The following TTC39C variants were observed in gnomAD, a reference collection of about 807,000 sequenced individuals.
TTC39C encodes the protein tetratricopeptide repeat domain 39C, also known as tetratricopeptide repeat protein 39C.
A neutral mutation model predicts 76.3 loss-of-function variants in TTC39C; 33 were observed. That is an observed-to-expected ratio of 0.43 (90% CI 0.33 to 0.58). The LOEUF (loss-of-function observed/expected upper bound fraction) is 0.58, where lower values mean the gene tolerates loss of function less well. TTC39C is among the 20% of genes least tolerant of loss of function. The probability of loss-of-function intolerance (pLI) is 0.04; values close to 1 mark genes in which losing one functional copy is unlikely to be tolerated. For missense variants in TTC39C, 595 were observed against 701.4 expected, an observed-to-expected ratio of 0.85 and a Z score of 1.71; for synonymous variants, 254 against 260.6, an observed-to-expected ratio of 0.97 and a Z score of 0.24.
rs1015502787 is a variant in TTC39C at position 23,995,969 on chromosome 18, T to C, written c.-17+2931T>C. On this transcript the variant is annotated intron_variant, in intron 1 of 13. Coordinates refer to the TTC39C transcript ENST00000304621. ...TTGGATCGTATGTTAAGTATATGCT[T>C]AGTTTTCAAAGAAACTGCCAAACGT... Among the ~76,000 whole-genome samples the C allele has an allele frequency of 3.3e-5, 5 of 152,270 alleles. No individual in the cohort carries two copies. In the South Asian group the frequency reaches 6.2e-4, roughly 19 times the overall value.
intron 5 of TTC39C, among the ~76,000 whole-genome samples, chr18:24,081,141 AG>A (rs1321760982): frequency 6.6e-6 from 1 of 152,338 alleles, no homozygotes. Flanking sequence ...TTAGAGAACA[AG>A]GCGTTGTTCA....
intron 1 of TTC39C, among the ~76,000 whole-genome samples, chr18:24,060,326 T>TG (rs1440863826): frequency 7.5e-5 from 11 of 145,946 alleles, no homozygotes; most frequent in Non-Finnish European, 1.4e-4. Flanking sequence ...TTTTTTTTTT[T>TG]TTTTTTTTTG....
intron 1 of TTC39C, among the ~76,000 whole-genome samples, chr18:24,025,226 G>A (rs746336569): frequency 1.3e-5 from 2 of 152,182 alleles, no homozygotes; most frequent in Admixed American, 1.3e-4. Flanking sequence ...AGTATGCTAC[G>A]TATCCTTAAG....
At chr18:24,121,651 G>T (rs1202780603) in intron 8 of TTC39C, among the ~76,000 whole-genome samples, 3 of 152,180 alleles carry the variant, frequency 2.0e-5, no homozygotes, top group Non-Finnish European at 4.4e-5. Context: ...CTGAGGTATG[G>T]ATGTTATAGA....
intron 1 of TTC39C, chr18:24,022,796 C>A (rs1450622656): frequency 1.0e-6 from 1 of 985,248 alleles, no homozygotes; most frequent in South Asian, 4.7e-5. Context: ...GTCCTGCTGC[C>A]CTTGTCCCTT....
chr18:24,021,214 G>C (rs1488201717), intron 1 of TTC39C, among the ~76,000 whole-genome samples: 1 of 152,180 alleles, frequency 6.6e-6, no homozygotes, highest in Non-Finnish European at 1.5e-5. Flanking sequence ...ACTGCCTAGT[G>C]CTAGCTCTAC....
rs2084852631 is a variant in TTC39C, at chr18:24,113,865, C to T, written c.985-689C>T. The T allele has an allele frequency of 1.7e-5, 10 of 588,052 alleles. No individual in the cohort carries two copies. The South Asian group carries it at 1.9e-4, about 11-fold the overall frequency. The allele number at this position is 588,052 out of a possible 1,614,324, so 36.4% of individuals were successfully genotyped here. ...ATTTGAGAGTTTGCTGGGTCCCAGA[C>T]AGTGTTATGTGAATGAAAGTGTTGG... On this transcript the variant is annotated intron_variant, in intron 6 of 13. Transcript: ENST00000317571.
chr18:24,079,113 G>C (rs2084343615), intron 4 of TTC39C, among the ~76,000 whole-genome samples: 1 of 152,166 alleles, frequency 6.6e-6, no homozygotes, highest in Non-Finnish European at 1.5e-5. Context: ...GACAGTTCAT[G>C]TTGTCCATTT....
chr18:24,082,428 C>T (rs2084388691), intron 5 of TTC39C, among the ~76,000 whole-genome samples: 1 of 152,072 alleles, frequency 6.6e-6, no homozygotes, highest in African/African-American at 2.4e-5. Context: ...TTTATTTGTG[C>T]ATGATATTTA....
chr18:24,032,197 T>G (rs924286648), intron 1 of TTC39C, among the ~76,000 whole-genome samples: 1 of 152,222 alleles, frequency 6.6e-6, no homozygotes, highest in African/African-American at 2.4e-5. Context: ...GTCACACTTC[T>G]GGTCTAAAGA....
At chr18:24,034,913 T>C (rs2083714592) in intron 1 of TTC39C, among the ~76,000 whole-genome samples, 1 of 152,240 alleles carries the variant, frequency 6.6e-6, no homozygotes, top group African/African-American at 2.4e-5. Flanking sequence ...CTTTTGGCTA[T>C]TGTGAACAAT....
chr18:24,058,528 AC>A (rs1455402136), intron 1 of TTC39C, among the ~76,000 whole-genome samples: 6 of 151,958 alleles, frequency 3.9e-5, no homozygotes, highest in Admixed American at 2.0e-4. Context: ...GGTGGCATGA[AC>A]CTGAGGTGCC....
At chr18:24,061,639 C>T (rs1204954485) in intron 1 of TTC39C, among the ~76,000 whole-genome samples, 1 of 147,888 alleles carries the variant, frequency 6.8e-6, no homozygotes, top group Non-Finnish European at 1.5e-5. Context: ...TGTGGTGGCT[C>T]ACACCAGTAA....
intron 10 of TTC39C, 64 bp downstream of exon 10, chr18:24,125,614 C>T (rs1408840879): frequency 6.3e-7 from 1 of 1,588,532 alleles, no homozygotes; most frequent in African/African-American, 1.4e-5. Flanking sequence ...GTCAGTGCGG[C>T]ATTCTTCAGT....
At chr18:24,042,040 T>G (rs2083799685) in intron 1 of TTC39C, among the ~76,000 whole-genome samples, 1 of 152,258 alleles carries the variant, frequency 6.6e-6, no homozygotes, top group Non-Finnish European at 1.5e-5. Flanking sequence ...ATTAGCATGA[T>G]AAATATCCTT....
intron 6 of TTC39C, among the ~76,000 whole-genome samples, chr18:24,102,361 C>T (rs561502030): frequency 6.6e-6 from 1 of 152,318 alleles, no homozygotes; most frequent in East Asian, 1.9e-4. Context: ...AACATAACTA[C>T]TCTATCCATT....
At chr18:24,085,181 G>C (rs1994421) in intron 6 of TTC39C, among the ~76,000 whole-genome samples, 152,324 of 152,360 alleles carry the variant, frequency 1, 76,144 homozygotes, top group Non-Finnish European at 1. Flanking sequence ...GTGTAGAATT[G>C]AGAGATTTAC....
At chr18:24,045,439 A>G (rs1176352420) in intron 1 of TTC39C, among the ~76,000 whole-genome samples, 1 of 152,186 alleles carries the variant, frequency 6.6e-6, no homozygotes, top group Non-Finnish European at 1.5e-5. Flanking sequence ...TTAAAATATT[A>G]TGGCATATTC....
intron 1 of TTC39C, among the ~76,000 whole-genome samples, chr18:24,042,165 T>A (rs2083801794): frequency 6.6e-6 from 1 of 152,240 alleles, no homozygotes; most frequent in Non-Finnish European, 1.5e-5. Flanking sequence ...GTTATATAAA[T>A]ATATGATATA....
Sources: gnomAD v4.1 joint callset for allele counts (sites outside exome capture counted in the v4.1 genomes callset) on GRCh38, gnomAD v4.1.1 for gene constraint, MANE v1.5 for transcripts, NCBI Gene and HGNC (gene_info 2026-07-23, HGNC 2026-07-21) for gene names.